WASF3: variants seen among roughly 807,000 people sequenced by gnomAD.
WASF3 encodes the protein WASP family member 3, also known as actin-binding protein WASF3.
In WASF3, 11 loss-of-function variants were observed where a neutral mutation model predicts 46.6. The observed-to-expected ratio is 0.24, with a 90% confidence interval of 0.15 to 0.39. WASF3 has a LOEUF of 0.39. WASF3 is among the 10% of genes least tolerant of loss of function. The pLI, the probability that WASF3 is intolerant of heterozygous loss-of-function variation, is 1.00. For synonymous variants in WASF3, 242 were observed against 259.7 expected, an observed-to-expected ratio of 0.93 and a Z score of 0.65; for missense variants, 576 against 669.8, an observed-to-expected ratio of 0.86 and a Z score of 1.55.
chr13:26,681,238 C>A lies in WASF3; in HGVS notation c.901C>A (p.Pro301Thr), dbSNP rs773846722. The change falls in exon 8 of 10, where the codon CCT becomes ACT. Residue 301 changes from proline (P) to threonine (T), a missense_variant. Pro to Thr is a conservative substitution (Grantham distance 38, BLOSUM62 -1). Coordinates refer to ENST00000335327, the MANE Select transcript of WASF3 (RefSeq NM_006646.6). Reference protein sequence around the residue: ...ASARHMALNRPQQPPPPPPPQ... With the variant: ...ASARHMALNRTQQPPPPPPPQ... ...GGCGAGGCACATGGCCCTCAACAGA[C>A]CTCAGCAGCCGCCCCCCCCGCCTCC... The A allele has an allele frequency of 1.2e-6, 2 of 1,613,854 alleles. No homozygotes were observed. The highest frequency in any genetic ancestry group is 2.2e-5 in the South Asian group (2 of 91,048).
At chr13:26,598,344 T>C (rs1400432162) in intron 1 of WASF3, among the ~76,000 whole-genome samples, 1 of 152,200 alleles carries the variant, frequency 6.6e-6, no homozygotes, top group African/African-American at 2.4e-5. Flanking sequence ...TTGAGTTCAT[T>C]GTAGATTCTG....
chr13:26,587,035 G>A (rs2137177162), intron 1 of WASF3, among the ~76,000 whole-genome samples: 1 of 149,188 alleles, frequency 6.7e-6, no homozygotes, highest in South Asian at 2.1e-4. Context: ...CCTGGGAGGT[G>A]GAGGTTGCAG....
rs1277948683 is a variant in WASF3, at chr13:26,682,102, C to T, written c.984-505C>T. ...TGGTCCAGTTAGTTTGGAAGACCCT[C>T]GGCTGAATAGAATTCAGCAGATTTC... On this transcript the variant is annotated intron_variant, in intron 8 of 9. Transcript: ENST00000335327. The surrounding 1 kb of genome is among the most constrained non-coding windows in gnomAD (Gnocchi z 4.4). Among the ~76,000 whole-genome samples, 2 of 152,162 alleles carry T rather than the reference C, an allele frequency of 1.3e-5. No individual in the cohort carries two copies. The highest frequency in any genetic ancestry group is 6.5e-5 in the Admixed American group (1 of 15,270).
At chr13:26,643,134 T>A (rs1187729473) in intron 3 of WASF3, among the ~76,000 whole-genome samples, 1 of 152,194 alleles carries the variant, frequency 6.6e-6, no homozygotes, top group East Asian at 1.9e-4. Context: ...CCTTCAAAGC[T>A]TTTTGAAGTT....
chr13:26,624,953 G>A (rs575778460), intron 2 of WASF3, among the ~76,000 whole-genome samples: 1 of 152,160 alleles, frequency 6.6e-6, no homozygotes, highest in African/African-American at 2.4e-5. Context: ...CAAAAGCTGA[G>A]GGAATTTATT....
At chr13:26,631,805 C>G (rs1476062127) in intron 2 of WASF3, among the ~76,000 whole-genome samples, 1 of 152,304 alleles carries the variant, frequency 6.6e-6, no homozygotes, top group East Asian at 1.9e-4. Context: ...TATCCATGAG[C>G]ATGGAATGTT....
chr13:26,600,409 G>A (rs765977464), intron 1 of WASF3, among the ~76,000 whole-genome samples: 4 of 152,160 alleles, frequency 2.6e-5, no homozygotes, highest in Non-Finnish European at 5.9e-5. Flanking sequence ...CTACTTCATA[G>A]GATTGCTATG....
intron 1 of WASF3, among the ~76,000 whole-genome samples, chr13:26,610,974 A>G (rs528598796): frequency 1.3e-5 from 2 of 151,500 alleles, no homozygotes; most frequent in Admixed American, 6.6e-5. Flanking sequence ...GCAAAGAAAA[A>G]GGCATGTGTC....
chr13:26,663,138 T>C (rs1187302256), intron 3 of WASF3, among the ~76,000 whole-genome samples: 1 of 152,178 alleles, frequency 6.6e-6, no homozygotes, highest in Non-Finnish European at 1.5e-5. Context: ...GAGAGGGAGC[T>C]GTCACAATGA....
At chr13:26,636,407 T>C (rs1355145899) in intron 2 of WASF3, among the ~76,000 whole-genome samples, 1 of 152,202 alleles carries the variant, frequency 6.6e-6, no homozygotes, top group African/African-American at 2.4e-5. Context: ...TTTTTCCAGG[T>C]AGTCTGTCAT....
At chr13:26,635,903 G>A (rs149299451) in intron 2 of WASF3, among the ~76,000 whole-genome samples, 2,538 of 152,294 alleles carry the variant, frequency 0.017, 35 homozygotes, top group African/African-American at 0.044. Context: ...AGGGGCATCC[G>A]CCTGTATGAG....
chr13:26,599,573 T>C (rs1001956701), intron 1 of WASF3, among the ~76,000 whole-genome samples: 13 of 152,166 alleles, frequency 8.5e-5, no homozygotes, highest in Non-Finnish European at 1.9e-4. Flanking sequence ...TTGCTGTGTT[T>C]TGGGGCTCCT....
chr13:26,667,937 A>G (rs1882820919), intron 5 of WASF3, among the ~76,000 whole-genome samples: 1 of 152,324 alleles, frequency 6.6e-6, no homozygotes, highest in Middle Eastern at 3.4e-3. Flanking sequence ...AGATGTAGCT[A>G]CCTTAAGTAG....
intron 2 of WASF3, among the ~76,000 whole-genome samples, chr13:26,614,283 C>T (rs1881068062): frequency 6.6e-6 from 1 of 152,150 alleles, no homozygotes; most frequent in African/African-American, 2.4e-5. Context: ...TCCATACTTT[C>T]ACTTTACAGG....
At chr13:26,632,696 T>C (rs1043276296) in intron 2 of WASF3, among the ~76,000 whole-genome samples, 4 of 152,228 alleles carry the variant, frequency 2.6e-5, no homozygotes, top group Non-Finnish European at 5.9e-5. Flanking sequence ...TAAAATGAGT[T>C]AGGGAAGATT....
chr13:26,606,132 A>G (rs1437897547), intron 1 of WASF3, among the ~76,000 whole-genome samples: 4 of 152,036 alleles, frequency 2.6e-5, no homozygotes, highest in Non-Finnish European at 5.9e-5. Context: ...GGCTCTTCCC[A>G]TGGGTTAGCT....
intron 1 of WASF3, among the ~76,000 whole-genome samples, chr13:26,580,626 C>CTTTTTTTTTTTTTTTTTTTTTTTTTTT (rs5802384): frequency 7.3e-6 from 1 of 136,954 alleles, no homozygotes; most frequent in African/African-American, 2.7e-5. Flanking sequence ...TTTTTTCTTT[C>CTTTTTTTTTTTTTTTTTTTTTTTTTTT]TTTTTTTTTT....
Position 26,636,296 on chromosome 13 carries a change from G to A in WASF3, c.-10-5965G>A, listed in dbSNP as rs116153454. ...CTGCACTAGTAGTGAGCAAGGCTCC[G>A]CAGGTGTGGTACCCACCGAGCCAGG... On this transcript the variant is annotated intron_variant, in intron 2 of 9. Coordinates refer to ENST00000335327, the MANE Select transcript of WASF3 (RefSeq NM_006646.6). 7.3e-3 allele frequency among the ~76,000 whole-genome samples: 1,107 copies of A among 152,350 alleles called. 9 individuals carry two copies. Among genetic ancestry groups the A allele is most frequent in the African/African-American group, 0.024 (986 of 41,580 alleles).
At position 26,593,390 on chromosome 13, in the gene WASF3, G is replaced by A. The variant is rs55882423; in HGVS notation, c.-108-19571G>A. Reference sequence around the variant, plus strand: ...AATATGCTGAAGATCAAATCATAAAGTGTCCACTCTGTTTATAATTTCACC... The same window carrying A: ...AATATGCTGAAGATCAAATCATAAAATGTCCACTCTGTTTATAATTTCACC... On this transcript the variant is annotated intron_variant, in intron 1 of 9. Coordinates refer to ENST00000335327, the MANE Select transcript of WASF3 (RefSeq NM_006646.6). Among the ~76,000 whole-genome samples, 945 of 152,264 alleles carry A rather than the reference G, an allele frequency of 6.2e-3. 11 individuals carry two copies. Among genetic ancestry groups the A allele is most frequent in the African/African-American group, 0.022 (904 of 41,548 alleles).
Sources: allele counts gnomAD v4.1 joint callset (sites outside exome capture counted in the v4.1 genomes callset), GRCh38; gene constraint gnomAD v4.1.1; non-coding constraint Gnocchi (gnomAD v3.1); transcripts MANE v1.5; gene names NCBI Gene and HGNC (gene_info 2026-07-23, HGNC 2026-07-21).